DAAM2: variants seen among roughly 807,000 people sequenced by gnomAD.
DAAM2 encodes disheveled-associated activator of morphogenesis 2.
In DAAM2, 39 loss-of-function variants were observed where a neutral mutation model predicts 120.7. The observed-to-expected ratio is 0.32, with a 90% CI of 0.25 to 0.42. The LOEUF is 0.42. Ranked by LOEUF, DAAM2 falls within the 10% of genes least tolerant of loss-of-function variation. The probability of loss-of-function intolerance (pLI) is 1.00; values close to 1 mark genes in which losing one functional copy is unlikely to be tolerated. For synonymous variants in DAAM2, 488 were observed against 524.9 expected, an observed-to-expected ratio of 0.93 and a Z score of 0.96; for missense variants, 1,283 against 1,401.7, an observed-to-expected ratio of 0.92 and a Z score of 1.35.
chr6:39,886,173 TAGGCAGATGGGA>T lies in DAAM2; in HGVS notation c.1954-1312_1954-1301del, dbSNP rs1765371726. On this transcript the variant is annotated intron_variant, in intron 15 of 24. Transcript: ENST00000274867. Reference sequence around the variant, plus strand: ...CCTAACTGGGGAGTGGTGGTCGCACTAGGCAGATGGGAGGAGCTGCCTGATCTCCGCTTCGTT... The same window carrying T: ...CCTAACTGGGGAGTGGTGGTCGCACTGGAGCTGCCTGATCTCCGCTTCGTT... The T allele has an allele frequency of 7.9e-6, 3 of 377,970 alleles. No homozygotes were observed. In the South Asian group the frequency reaches 4.4e-4, roughly 56 times the overall value. 23.4% of individuals were successfully genotyped at this position (377,970 alleles called of 1,614,324 possible). A position where few individuals can be genotyped will look rare whatever the true frequency, so the allele number is the denominator to read the frequency against.
Position 39,896,875 on chromosome 6 carries a change from TC to T in DAAM2, c.2407del (p.Leu803Ter). 6.2e-7 allele frequency: 1 copy of T among 1,613,626 alleles called. No individual in the cohort carries two copies. On this transcript the variant is annotated frameshift_variant, in exon 20 of 25. Coordinates refer to ENST00000274867, the MANE Select transcript of DAAM2 (RefSeq NM_001201427.2). LOFTEE classifies it high-confidence loss of function. ...CGTCTTAGACAGATGCTAGAGGTCA[TC>T]CTAGCCATAGGCAACTTCATGAACA... ...SKRLRQMLEV[I>X]LAIGNFMNKG...
At chr6:39,796,517 G>A (rs1456250705) in intron 1 of DAAM2, among the ~76,000 whole-genome samples, 2 of 150,588 alleles carry the variant, frequency 1.3e-5, no homozygotes, top group East Asian at 3.9e-4. Context: ...GGAAGTAAGT[G>A]CCTGTTCTTG....
intron 3 of DAAM2, chr6:39,861,630 C>T (rs551505593): frequency 1.2e-5 from 2 of 166,344 alleles, no homozygotes; most frequent in Admixed American, 5.5e-5. Flanking sequence ...TCTCCATCTC[C>T]GTGTTTCTTC....
chr6:39,795,145 A>G (rs185822758), intron 1 of DAAM2, among the ~76,000 whole-genome samples: 11 of 152,290 alleles, frequency 7.2e-5, no homozygotes, highest in African/African-American at 2.4e-5. Flanking sequence ...GGCTCATTCT[A>G]TCAGTTCAAT....
In DAAM2 at chr6:39,879,305, C is replaced by G; in HGVS notation, c.1673C>G (p.Pro558Arg). ...GCCTGTTGTCCCCCTCCCCCACCAC[C>G]ACCCCTTCCTCCCGGGGGACCCCCG... ...PFACCPPPPP[P>R]PLPPGGPPTP... is the part of the protein sequence containing the mutation. Residue 558 changes from proline to arginine, a missense_variant, in exon 14 of 25, where the codon CCA becomes CGA. Coordinates refer to ENST00000274867, the MANE Select transcript of DAAM2 (RefSeq NM_001201427.2). 6.5e-7 allele frequency: 1 copy of G among 1,537,578 alleles called. No homozygotes were observed.
intron 1 of DAAM2, among the ~76,000 whole-genome samples, chr6:39,842,594 C>T (rs1294902742): frequency 6.6e-6 from 1 of 152,138 alleles, no homozygotes; most frequent in Non-Finnish European, 1.5e-5. Flanking sequence ...GACTGTGCCA[C>T]TGTACTCCAG....
intron 2 of DAAM2, among the ~76,000 whole-genome samples, chr6:39,858,657 A>C (rs906613378): frequency 6.6e-6 from 1 of 152,218 alleles, no homozygotes; most frequent in Non-Finnish European, 1.5e-5. Context: ...ATGAATAAAC[A>C]TTACATACTT....
At chr6:39,855,879 G>A (rs1037750015) in intron 1 of DAAM2, among the ~76,000 whole-genome samples, 9 of 152,278 alleles carry the variant, frequency 5.9e-5, no homozygotes, top group Non-Finnish European at 1.0e-4. Flanking sequence ...CTGATCTTAC[G>A]GAAGACAGGG....
At chr6:39,812,463 C>T (rs1762191108) in intron 1 of DAAM2, among the ~76,000 whole-genome samples, 1 of 152,166 alleles carries the variant, frequency 6.6e-6, no homozygotes, top group Non-Finnish European at 1.5e-5. Flanking sequence ...GTGCCTGACC[C>T]TAAGACCCGT....
At position 39,856,649 on chromosome 6, in the gene DAAM2, T is replaced by A. The variant is rs78698695; in HGVS notation, c.168+179T>A. On this transcript the variant is annotated intron_variant, in intron 2 of 24. Coordinates refer to ENST00000274867, the MANE Select transcript of DAAM2 (RefSeq NM_001201427.2). The stretch of plus-strand genomic sequence containing the variant: ...GGGGAACCAGAGTCTCTCACTGGGA[T>A]GGACAGCATAAAGTGTGTCCCCAGA... Among the ~76,000 whole-genome samples the A allele has an allele frequency of 4.3e-3, 649 of 152,314 alleles. 6 individuals carry two copies. The highest frequency in any genetic ancestry group is 0.015 in the African/African-American group (619 of 41,572).
intron 19 of DAAM2, among the ~76,000 whole-genome samples, chr6:39,896,498 C>T (rs186519360): frequency 1.6e-4 from 24 of 152,284 alleles, no homozygotes; most frequent in East Asian, 9.6e-4. Context: ...CCACCGCAAC[C>T]GGCCTTCTTA....
intron 17 of DAAM2, among the ~76,000 whole-genome samples, chr6:39,890,905 G>A (rs1478039763): frequency 2.0e-5 from 3 of 152,012 alleles, no homozygotes; most frequent in Non-Finnish European, 2.9e-5. Flanking sequence ...CCAGGGCTAC[G>A]TAGTGAGGTC....
chr6:39,870,536 C>A, intron 8 of DAAM2, 93 bp downstream of exon 8: 1 of 799,122 alleles, frequency 1.3e-6, no homozygotes, highest in Non-Finnish European at 2.1e-6. Flanking sequence ...GCCCTTCCCT[C>A]TGGAGACCAG....
intron 11 of DAAM2, among the ~76,000 whole-genome samples, chr6:39,876,009 G>A (rs1463489796): frequency 5.3e-5 from 8 of 152,176 alleles, no homozygotes; most frequent in Non-Finnish European, 1.2e-4. Context: ...TGCATGGTAT[G>A]TAAAACCTAA....
intron 1 of DAAM2, among the ~76,000 whole-genome samples, chr6:39,837,555 T>A (rs1160390748): frequency 6.9e-6 from 1 of 144,824 alleles, no homozygotes; most frequent in Non-Finnish European, 1.5e-5. Context: ...CCCAGCTACT[T>A]GGGAGGCTGA....
rs780244988 is a variant in DAAM2 at position 39,867,591 on chromosome 6, G to C, written c.510G>C (p.Glu170Asp). The change falls in exon 6 of 25, where the codon GAG becomes GAC. Residue 170 changes from glutamate (E) to aspartate (D), a missense_variant. By Grantham distance (45) the Glu-to-Asp change is conservative. This residue lies in a region of DAAM2 where 338 missense variants were observed against 443.9 expected (regional missense o/e 0.76). Coordinates refer to ENST00000274867, the MANE Select transcript of DAAM2 (RefSeq NM_001201427.2). ...GGAGCATGGACCACGCCACCTGTGA[G>C]AGCCGCATCCACACCTCACTCATTG... ...FLRSMDHATCESRIHTSLIGC... is the reference protein window; with the variant it reads ...FLRSMDHATCDSRIHTSLIGC... 1.2e-6 allele frequency: 2 copies of C among 1,614,056 alleles called. No individual in the cohort carries two copies. Among genetic ancestry groups the C allele is most frequent in the South Asian group, 2.2e-5 (2 of 91,072 alleles).
chr6:39,843,106 T>A (rs1414297143), intron 1 of DAAM2, among the ~76,000 whole-genome samples: 1 of 152,190 alleles, frequency 6.6e-6, no homozygotes, highest in Non-Finnish European at 1.5e-5. Context: ...CTTTATTTTT[T>A]AAATTGACAG....
At chr6:39,817,916 C>T (rs535968612) in intron 1 of DAAM2, among the ~76,000 whole-genome samples, 18 of 152,236 alleles carry the variant, frequency 1.2e-4, no homozygotes, top group South Asian at 2.1e-4. Flanking sequence ...TGGTGGCTCA[C>T]GCCTGTAATC....
chr6:39,843,722 C>T (rs1763445275), intron 1 of DAAM2, among the ~76,000 whole-genome samples: 1 of 152,236 alleles, frequency 6.6e-6, no homozygotes, highest in South Asian at 2.1e-4. Flanking sequence ...ACAGCCTGGA[C>T]CTTTCTGTGA....
Sources: allele counts gnomAD v4.1 joint callset (sites outside exome capture counted in the v4.1 genomes callset), GRCh38; gene constraint gnomAD v4.1.1; regional missense constraint gnomAD v4.1.1; transcripts MANE v1.5; gene names NCBI Gene and HGNC (gene_info 2026-07-23, HGNC 2026-07-21).